PTPRN2: variants seen among roughly 807,000 people sequenced by gnomAD.
PTPRN2 encodes protein tyrosine phosphatase receptor type N2.
PTPRN2 carries 74 observed loss-of-function variants against 118.8 expected under a neutral mutation model. The observed-to-expected ratio is 0.62, with a 90% CI of 0.52 to 0.76. The LOEUF is 0.76. PTPRN2 is among the 30% of genes least tolerant of loss of function. The pLI, the probability that PTPRN2 is intolerant of heterozygous loss-of-function variation, is 0.00. For missense variants in PTPRN2, 1,481 were observed against 1,394.4 expected, an observed-to-expected ratio of 1.06 and a Z score of -0.99; for synonymous variants, 641 against 608.0, an observed-to-expected ratio of 1.05 and a Z score of -0.80.
chr7:157,640,584 T>C (rs541250772), intron 14 of PTPRN2, among the ~76,000 whole-genome samples: 79 of 152,244 alleles, frequency 5.2e-4, no homozygotes, highest in African/African-American at 1.8e-3. Context: ...AAATAAGTCC[T>C]TACCAAGACA....
intron 11 of PTPRN2, among the ~76,000 whole-genome samples, chr7:157,931,328 G>T (rs1241252057): frequency 1.3e-5 from 2 of 152,236 alleles, no homozygotes; most frequent in East Asian, 3.9e-4. Context: ...CTTGGGGTAG[G>T]GGTGAGGGCC....
chr7:158,291,331 T>C lies in PTPRN2; in HGVS notation c.277+25488A>G, dbSNP rs552564384. ...GATACTATCCACTCTTCCCTTGATATACAAAGTCATATGATACAGAATCAC... is the reference window on the plus strand; with the variant it reads ...GATACTATCCACTCTTCCCTTGATACACAAAGTCATATGATACAGAATCAC... On this transcript the variant is annotated intron_variant, in intron 3 of 22. Transcript: ENST00000389418. Among the ~76,000 whole-genome samples, 6 of 152,342 alleles carry C rather than the reference T, an allele frequency of 3.9e-5. No individual in the cohort carries two copies. In the South Asian group the frequency reaches 1.2e-3, roughly 32 times the overall value.
intron 5 of PTPRN2, among the ~76,000 whole-genome samples, chr7:158,171,308 CATATATATATATATATATATATATATAT>C (rs71198580): frequency 6.2e-5 from 3 of 48,678 alleles, no homozygotes; most frequent in Non-Finnish European, 1.1e-4. Flanking sequence ...TATATACACA[CATATATATATATATATATATATATATAT>C]ATATATATAT....
chr7:157,970,641 C>CCG (rs1039928847), intron 11 of PTPRN2, among the ~76,000 whole-genome samples: 1 of 150,234 alleles, frequency 6.7e-6, no homozygotes, highest in Non-Finnish European at 1.5e-5. Flanking sequence ...AGCGGACCCC[C>CCG]CCCCCCACAG....
chr7:157,989,779 C>G (rs1049882660), intron 11 of PTPRN2, among the ~76,000 whole-genome samples: 2 of 152,136 alleles, frequency 1.3e-5, no homozygotes, highest in East Asian at 1.9e-4. Context: ...AACCGGGGCT[C>G]AGGTAACTCA....
At chr7:158,084,930 A>T (rs1813166796) in intron 10 of PTPRN2, among the ~76,000 whole-genome samples, 1 of 133,600 alleles carries the variant, frequency 7.5e-6, no homozygotes, top group Non-Finnish European at 1.6e-5. Flanking sequence ...GCCCATCCAC[A>T]CCCTCGACGC....
intron 12 of PTPRN2, among the ~76,000 whole-genome samples, chr7:157,733,188 T>C (rs576660129): frequency 0.034 from 784 of 22,740 alleles, 101 homozygotes; most frequent in East Asian, 0.13. Flanking sequence ...TCCCGTCCCA[T>C]GCGCCCAGCA....
rs1168613509 is a variant in PTPRN2, at chr7:157,622,974, G to A, written c.2197-1465C>T. 6.6e-6 allele frequency among the ~76,000 whole-genome samples: 1 copy of A among 152,212 alleles called. No homozygotes were observed. The highest frequency in any genetic ancestry group is 1.5e-5 in the Non-Finnish European group (1 of 68,044). ...GGCTGCTCTGAGCCAAAGCGAACGA[G>A]TTCATCTACTCCCGTCACCAGCCCC... On this transcript the variant is annotated intron_variant, in intron 14 of 22. Coordinates refer to ENST00000389418, the MANE Select transcript of PTPRN2 (RefSeq NM_002847.5). This position sits in a 1 kb window ranked among gnomAD's most constrained non-coding sequence, Gnocchi z 5.3.
intron 14 of PTPRN2, among the ~76,000 whole-genome samples, chr7:157,652,472 G>C (rs974391534): frequency 6.6e-6 from 1 of 152,224 alleles, no homozygotes; most frequent in Non-Finnish European, 1.5e-5. Flanking sequence ...TGCTGATGGA[G>C]CCCAGAATCT....
At chr7:157,683,544 G>C (rs977772000) in intron 12 of PTPRN2, among the ~76,000 whole-genome samples, 1 of 152,204 alleles carries the variant, frequency 6.6e-6, no homozygotes, top group African/African-American at 2.4e-5. Flanking sequence ...CTCTCCAGGA[G>C]TGGCCTGGTG....
At chr7:157,798,189 G>A (rs1205902502) in intron 12 of PTPRN2, among the ~76,000 whole-genome samples, 1 of 152,226 alleles carries the variant, frequency 6.6e-6, no homozygotes, top group Non-Finnish European at 1.5e-5. Flanking sequence ...AACCTGGGAG[G>A]CGGAGGTTGC....
At chr7:158,549,633 G>A (rs1826517813) in intron 1 of PTPRN2, among the ~76,000 whole-genome samples, 1 of 152,268 alleles carries the variant, frequency 6.6e-6, no homozygotes, top group African/African-American at 2.4e-5. Context: ...CTGCAGCCAG[G>A]GCTCGCTCCA....
chr7:157,576,735 C>A lies in PTPRN2; in HGVS notation c.2661G>T (p.Val887=). 1 of 1,609,222 alleles carries A rather than the reference C, an allele frequency of 6.2e-7. No homozygotes were observed. Among genetic ancestry groups the A allele is most frequent in the East Asian group, 2.2e-5 (1 of 44,726 alleles). The change falls in exon 19 of 23, where the codon GTG becomes GTT. Residue 887 remains valine (V), a synonymous_variant. Coordinates refer to ENST00000389418, the MANE Select transcript of PTPRN2 (RefSeq NM_002847.5). ...SEHIWCEDFL[V]RSFYLKNLQT... Reference sequence around the variant, plus strand: ...GCAGGTTCTTCAGATAGAAGCTCCTCACCAGGAAGTCCTCACACCAGATGT... The same window carrying A: ...GCAGGTTCTTCAGATAGAAGCTCCTAACCAGGAAGTCCTCACACCAGATGT...
intron 12 of PTPRN2, among the ~76,000 whole-genome samples, chr7:157,847,551 C>A (rs111275197): frequency 3.0e-5 from 2 of 65,782 alleles, no homozygotes; most frequent in East Asian, 5.5e-4. Flanking sequence ...CTCCATCATG[C>A]GTGCCCGATG....
At chr7:158,256,803 G>A (rs189122218) in intron 3 of PTPRN2, among the ~76,000 whole-genome samples, 12 of 152,258 alleles carry the variant, frequency 7.9e-5, no homozygotes, top group African/African-American at 2.9e-4. Flanking sequence ...ATCTTTCTTG[G>A]AGTAGAAAAG....
At position 157,753,543 on chromosome 7, in the gene PTPRN2, C is replaced by T. The variant is rs76281809; in HGVS notation, c.1789-70606G>A. Among the ~76,000 whole-genome samples, 667 of 152,336 alleles carry T rather than the reference C, an allele frequency of 4.4e-3. 6 individuals carry two copies. Among genetic ancestry groups the T allele is most frequent in the Non-Finnish European group, 6.9e-3 (468 of 68,034 alleles). ...TGGCCTCCGTCTGGGCCGCAGCTCA[C>T]AGCATGGCAGTGACCCTTCCTCCAA... On this transcript the variant is annotated intron_variant, in intron 12 of 22. Transcript: ENST00000389418.
chr7:158,161,388 C>T (rs1206988738), intron 6 of PTPRN2, among the ~76,000 whole-genome samples: 2 of 152,146 alleles, frequency 1.3e-5, no homozygotes, highest in Admixed American at 1.3e-4. Flanking sequence ...ATGACACAGA[C>T]AAACAGATCA....
chr7:157,686,016 G>T (rs1415870019), intron 12 of PTPRN2, among the ~76,000 whole-genome samples: 2 of 152,234 alleles, frequency 1.3e-5, no homozygotes, highest in African/African-American at 4.8e-5. Context: ...GCGACCGCGC[G>T]GGGCCGCGGG....
intron 11 of PTPRN2, among the ~76,000 whole-genome samples, chr7:158,068,558 C>T (rs571924558): frequency 3.9e-5 from 6 of 152,330 alleles, no homozygotes; most frequent in Non-Finnish European, 5.9e-5. Context: ...CATCAAACCC[C>T]GCAAACCACT....
Sources: gnomAD v4.1 joint callset for allele counts (sites outside exome capture counted in the v4.1 genomes callset) on GRCh38, gnomAD v4.1.1 for gene constraint, Gnocchi (gnomAD v3.1) non-coding constraint, MANE v1.5 for transcripts, NCBI Gene and HGNC (gene_info 2026-07-23, HGNC 2026-07-21) for gene names.